Variants in ZNF540 observed in about 807,000 individuals in gnomAD.
ZNF540 encodes zinc finger protein 540.
In ZNF540, 3 loss-of-function variants were observed where a neutral mutation model predicts 11.8. That is an observed-to-expected ratio of 0.25 (90% confidence interval 0.12 to 0.65). The LOEUF is 0.65. ZNF540 is among the 30% of genes least tolerant of loss of function. ZNF540 has a pLI of 0.83. For missense variants in ZNF540, 709 were observed against 793.1 expected, an observed-to-expected ratio of 0.89 and a Z score of 1.27; for synonymous variants, 247 against 259.0, an observed-to-expected ratio of 0.95 and a Z score of 0.45.
intron 1 of ZNF540, among the ~76,000 whole-genome samples, chr19:37,578,557 A>G (rs1300221864): frequency 3.3e-5 from 5 of 152,202 alleles, no homozygotes; most frequent in African/African-American, 1.2e-4. Flanking sequence ...GCCAGCTGCC[A>G]TAACCCCAGT....
intron 1 of ZNF540, among the ~76,000 whole-genome samples, chr19:37,579,953 CTAT>C (rs1356204020): frequency 6.6e-6 from 1 of 152,042 alleles, no homozygotes; most frequent in Admixed American, 6.5e-5. Context: ...ATATTGCTAC[CTAT>C]TATTCTGGAA....
chr19:37,551,634 T>A (rs1459685194), exon 1 of ZNF540: 1 of 152,344 alleles, frequency 6.6e-6, no homozygotes, highest in Admixed American at 6.5e-5. Flanking sequence ...GGAGCGCGTC[T>A]CCTTGAACGT....
chr19:37,561,890 TTA>T (rs1487860672), intron 1 of ZNF540, among the ~76,000 whole-genome samples: 1 of 152,232 alleles, frequency 6.6e-6, no homozygotes, highest in African/African-American at 2.4e-5. Context: ...AAAATGTACT[TTA>T]GAGACGAAGA....
chr19:37,604,628 A>G (rs1184723252), intron 4 of ZNF540, among the ~76,000 whole-genome samples: 1 of 151,914 alleles, frequency 6.6e-6, no homozygotes, highest in African/African-American at 2.4e-5. Flanking sequence ...TTTTTTTCAA[A>G]TCAGCTTTAT....
intron 1 of ZNF540, among the ~76,000 whole-genome samples, chr19:37,551,835 G>C (rs73932911): frequency 4.4e-5 from 5 of 114,486 alleles, no homozygotes; most frequent in Non-Finnish European, 9.6e-5. Flanking sequence ...TGTGTGTGTG[G>C]GGGGGGTGGT....
intron 1 of ZNF540, among the ~76,000 whole-genome samples, chr19:37,552,473 A>G (rs77808949): frequency 0.01 from 1,565 of 152,322 alleles, 29 homozygotes; most frequent in African/African-American, 0.036. Flanking sequence ...TAAAATCTCA[A>G]AATATGATTC....
intron 1 of ZNF540, among the ~76,000 whole-genome samples, chr19:37,575,092 C>A (rs950518700): frequency 2.0e-5 from 3 of 152,184 alleles, no homozygotes; most frequent in Non-Finnish European, 4.4e-5. Flanking sequence ...AAAACTAGAA[C>A]CTCAAGTCTC....
chr19:37,564,562 A>G, intron 1 of ZNF540: 2 of 1,454,194 alleles, frequency 1.4e-6, no homozygotes, highest in South Asian at 3.4e-5. Context: ...GAAATAGATG[A>G]AGATTTTCTT....
upstream of ZNF540, among the ~76,000 whole-genome samples, chr19:37,592,856 T>C (rs985210674): frequency 2.7e-4 from 41 of 152,324 alleles, no homozygotes; most frequent in African/African-American, 9.6e-4. Flanking sequence ...GGACAGATGA[T>C]CTAGTTTTTC....
At chr19:37,580,852 G>A (rs534176996) in intron 1 of ZNF540, among the ~76,000 whole-genome samples, 9 of 152,230 alleles carry the variant, frequency 5.9e-5, no homozygotes, top group South Asian at 4.1e-4. Context: ...GCAGAACCAC[G>A]AGCCAAATAA....
intron 1 of ZNF540, among the ~76,000 whole-genome samples, chr19:37,552,299 C>T (rs1039930924): frequency 6.6e-6 from 1 of 152,134 alleles, no homozygotes; most frequent in Non-Finnish European, 1.5e-5. Flanking sequence ...AGAATATAAA[C>T]AAGCTTGCTA....
chr19:37,599,046 C>T (rs754451983), intron 2 of ZNF540, among the ~76,000 whole-genome samples: 13 of 152,254 alleles, frequency 8.5e-5, no homozygotes, highest in Non-Finnish European at 1.9e-4. Context: ...CATCCAGATA[C>T]ATAAATATTA....
intron 1 of ZNF540, chr19:37,565,832 T>A (rs1449538527): frequency 6.2e-7 from 1 of 1,613,708 alleles, no homozygotes; most frequent in Admixed American, 1.7e-5. Flanking sequence ...CTTTCCACAT[T>A]CCATACACTC....
At chr19:37,570,987 C>G (rs1239697382) in intron 1 of ZNF540, among the ~76,000 whole-genome samples, 3 of 152,138 alleles carry the variant, frequency 2.0e-5, no homozygotes, top group East Asian at 1.9e-4. Context: ...AATCTACTAA[C>G]AGTATATAGC....
At chr19:37,564,918 A>G (rs1329675987) in intron 1 of ZNF540, 1 of 1,613,930 alleles carries the variant, frequency 6.2e-7, no homozygotes. Flanking sequence ...CATTCCTTAC[A>G]TTTGTAGGGC....
intron 1 of ZNF540, among the ~76,000 whole-genome samples, chr19:37,589,318 T>G (rs1367141474): frequency 6.6e-6 from 1 of 151,894 alleles, no homozygotes; most frequent in East Asian, 1.9e-4. Context: ...GTTCCTACAT[T>G]TAAAAATTGC....
intron 1 of ZNF540, among the ~76,000 whole-genome samples, chr19:37,596,843 A>G (rs1440253399): frequency 5.3e-5 from 8 of 152,222 alleles, no homozygotes; most frequent in Non-Finnish European, 1.0e-4. Flanking sequence ...GTAAATATAA[A>G]ATGCTATTTG....
At chr19:37,582,721 A>G (rs1343743754) in intron 1 of ZNF540, among the ~76,000 whole-genome samples, 1 of 152,210 alleles carries the variant, frequency 6.6e-6, no homozygotes, top group Non-Finnish European at 1.5e-5. Flanking sequence ...CCAATCTTCA[A>G]AATAACTCCA....
At chr19:37,556,869 G>A (rs1019548403) in intron 1 of ZNF540, among the ~76,000 whole-genome samples, 18 of 152,194 alleles carry the variant, frequency 1.2e-4, no homozygotes, top group African/African-American at 4.1e-4. Context: ...TTTTGTAAGA[G>A]TGTTTTTTAG....
Sources: gnomAD v4.1 joint callset for allele counts (sites outside exome capture counted in the v4.1 genomes callset) on GRCh38, gnomAD v4.1.1 for gene constraint, MANE v1.5 for transcripts, NCBI Gene and HGNC (gene_info 2026-07-23, HGNC 2026-07-21) for gene names.